The following WDR91 variants were observed in gnomAD, a reference collection of about 807,000 sequenced individuals.
The protein encoded by WDR91 is WD repeat-containing protein 91.
A neutral mutation model predicts 88.4 loss-of-function variants in WDR91; 52 were observed. The observed-to-expected ratio is 0.59, with a 90% CI of 0.47 to 0.74. The LOEUF is 0.74. WDR91 is among the 30% of genes least tolerant of loss of function. The pLI, the probability that WDR91 is intolerant of heterozygous loss-of-function variation, is 0.00. For missense variants in WDR91, 824 were observed against 954.5 expected (o/e 0.86, Z 1.80); for synonymous variants, 362 against 389.5 (o/e 0.93, Z 0.83).
Position 135,185,925 on chromosome 7 carries a change from T to C in WDR91, c.*226A>G. The C allele has an allele frequency of 3.9e-6, 2 of 512,764 alleles. No individual in the cohort carries two copies. The highest frequency in any genetic ancestry group is 6.7e-6 in the Non-Finnish European group (2 of 297,548). The allele number at this position is 512,764 out of a possible 1,614,324, so 31.8% of individuals were successfully genotyped here. A position where few individuals can be genotyped will look rare whatever the true frequency, so the allele number is the denominator to read the frequency against. On this transcript the variant is annotated 3_prime_UTR_variant, in exon 15 of 15. Coordinates refer to ENST00000354475, the MANE Select transcript of WDR91 (RefSeq NM_014149.4). ...CCTCCCATAGTCTCACATGTACTCCTGGCACAGCCACAATACCAGTCTCTG... is the reference window on the plus strand; with the variant it reads ...CCTCCCATAGTCTCACATGTACTCCCGGCACAGCCACAATACCAGTCTCTG...
chr7:135,193,671 A>G lies in WDR91; in HGVS notation c.1397T>C (p.Leu466Pro). The G allele has an allele frequency of 2.5e-6, 4 of 1,613,660 alleles. No homozygotes were observed. Among genetic ancestry groups the G allele is most frequent in the Non-Finnish European group, 3.4e-6 (4 of 1,179,762 alleles). The change falls in exon 10 of 15, where the codon CTC (leucine) becomes CCC (proline). Residue 466 changes from leucine (L) to proline (P), a missense_variant and splice_region_variant. Physicochemically the swap from Leu to Pro is moderately conservative, Grantham distance 98. Coordinates refer to ENST00000354475, the MANE Select transcript of WDR91 (RefSeq NM_014149.4). ...TGTTCCCACACCACTGCCCAGCAAGAGCTGGAATGACAAGGGGCGGGAGGT... is the reference window on the plus strand; with the variant it reads ...TGTTCCCACACCACTGCCCAGCAAGGGCTGGAATGACAAGGGGCGGGAGGT... Reference protein sequence around the residue: ...LEWATKRDRLLLLGSGVGTVR... With the variant: ...LEWATKRDRLPLLGSGVGTVR...
At chr7:135,207,250 CT>C in intron 3 of WDR91, 48 bp from the exon 4 acceptor site, 2 of 1,515,600 alleles carry the variant, frequency 1.3e-6, no homozygotes, top group Non-Finnish European at 9.1e-7. Context: ...TTTAAACGTC[CT>C]TCCCAAACCC....
chr7:135,211,242 G>T, intron 1 of WDR91, 138 bp downstream of exon 1: 1 of 1,345,068 alleles, frequency 7.4e-7, no homozygotes, highest in Non-Finnish European at 9.8e-7. Context: ...GTCAAGCTGG[G>T]GTCGGACGCG....
rs1291793270 is a variant in WDR91 at position 135,188,463 on chromosome 7, G to A, written c.1851C>T (p.Asn617=). 3.1e-6 allele frequency: 5 copies of A among 1,614,118 alleles called. No individual in the cohort carries two copies. In the Admixed American group the frequency reaches 5.0e-5, roughly 16 times the overall value. ...VYSVEFSYDE[N]TVYSIGEDGK... is the part of the protein sequence containing the mutation. Reference sequence around the variant, plus strand: ...CGTCCTCGCCGATGCTGTACACGGTGTTCTCATCATAGCTGAACTCCACAG... The same window carrying A: ...CGTCCTCGCCGATGCTGTACACGGTATTCTCATCATAGCTGAACTCCACAG... Residue 617 remains asparagine, a synonymous_variant, in exon 13 of 15, where the codon AAC becomes AAT. Coordinates refer to ENST00000354475, the MANE Select transcript of WDR91 (RefSeq NM_014149.4).
Position 135,196,530 on chromosome 7 carries a change from C to T in WDR91, c.1051-193G>A, listed in dbSNP as rs181262851. Among the ~76,000 whole-genome samples the T allele has an allele frequency of 6.6e-6, 1 of 152,174 alleles. No individual in the cohort carries two copies. Among genetic ancestry groups the T allele is most frequent in the African/African-American group, 2.4e-5 (1 of 41,440 alleles). The stretch of plus-strand genomic sequence containing the variant: ...GAGAGTGCAGGGCCTGCCCTCCTGA[C>T]AGCCCCTTCCTGGAGACTTTGCTCC... On this transcript the variant is annotated intron_variant, in intron 7 of 14. Transcript: ENST00000354475. The surrounding 1 kb of genome is among the most constrained non-coding windows in gnomAD (Gnocchi z 4.2).
At chr7:135,198,392 T>A (rs575217401) in intron 6 of WDR91, 143 of 489,656 alleles carry the variant, frequency 2.9e-4, no homozygotes, top group Non-Finnish European at 4.7e-4. Flanking sequence ...GTATCTCTCA[T>A]CTGGAGGAAG....
In WDR91 at chr7:135,209,590, C is replaced by T. The variant is rs778303043; in HGVS notation, c.289G>A (p.Val97Ile). ...LKTSLFRFYL[V>I]YTIQTNRNDK... ...TCAACAGGCACCTGGATTGTGTAGACAAGATAAAATCGAAACAGGCTGGTT... is the reference window on the plus strand; with the variant it reads ...TCAACAGGCACCTGGATTGTGTAGATAAGATAAAATCGAAACAGGCTGGTT... The change falls in exon 2 of 15, where the codon GTC (valine) becomes ATC (isoleucine). Residue 97 changes from valine (V) to isoleucine (I), a missense_variant. Physicochemically the swap from Val to Ile is conservative, Grantham distance 29. Transcript: ENST00000354475. The T allele has an allele frequency of 3.3e-5, 53 of 1,606,200 alleles. No individual in the cohort carries two copies. The highest frequency in any genetic ancestry group is 4.4e-5 in the Non-Finnish European group (52 of 1,175,902).
intron 6 of WDR91, chr7:135,199,185 A>G (rs1487890732): frequency 6.6e-6 from 1 of 152,200 alleles, no homozygotes; most frequent in Non-Finnish European, 1.5e-5. Context: ...ATTAACATGG[A>G]TTCCTTGGAA....
At chr7:135,210,968 T>A in intron 1 of WDR91, 1 of 701,786 alleles carries the variant, frequency 1.4e-6, no homozygotes, top group Non-Finnish European at 2.6e-6. Flanking sequence ...CGCAGATACT[T>A]GAACGCAGCT....
intron 6 of WDR91, chr7:135,199,163 T>G (rs1213733241): frequency 2.0e-5 from 3 of 152,200 alleles, no homozygotes; most frequent in African/African-American, 4.8e-5. Flanking sequence ...CAACAGTAAA[T>G]AATTTAAAAT....
At chr7:135,209,809 C>T in intron 1 of WDR91, 54 bp from the exon 2 acceptor site, 1 of 1,415,950 alleles carries the variant, frequency 7.1e-7, no homozygotes, top group Non-Finnish European at 9.4e-7. Context: ...GAATTCTCCC[C>T]TCCATGGAAT....
intron 11 of WDR91, among the ~76,000 whole-genome samples, chr7:135,191,529 C>T (rs940404872): frequency 4.3e-5 from 6 of 141,038 alleles, no homozygotes; most frequent in African/African-American, 1.1e-4. Flanking sequence ...TGCTTGAACT[C>T]AGAAGGCGGA....
intron 6 of WDR91, chr7:135,199,787 T>A (rs1831504544): frequency 6.6e-6 from 1 of 151,648 alleles, no homozygotes; most frequent in Non-Finnish European, 1.5e-5. Flanking sequence ...CTCCACTGGA[T>A]AATGGTGTCT....
chr7:135,207,816 A>G (rs1831856885), intron 3 of WDR91, among the ~76,000 whole-genome samples: 1 of 152,236 alleles, frequency 6.6e-6, no homozygotes, highest in Admixed American at 6.5e-5. Context: ...GGGCCTCAGA[A>G]CTGGAGAGGG....
intron 9 of WDR91, chr7:135,193,879 A>G (rs1422872076): frequency 1.8e-6 from 1 of 564,174 alleles, no homozygotes; most frequent in East Asian, 3.0e-5. Context: ...CTTCTAAGCA[A>G]AACCACAAAA....
rs760892889 is a variant in WDR91 at position 135,208,807 on chromosome 7, G to C, written c.495C>G (p.Val165=). ...AAAGGATATGCATGCACTGAAACAG[G>C]ACGCTCAGGAAGTTGTGCAGGGACA... is the stretch of plus-strand genomic sequence containing the variant. ...FIVSLHNFLS[V]LFQCMPVPVI... The change falls in exon 3 of 15, where the codon GTC becomes GTG. Residue 165 remains valine, a synonymous_variant. Coordinates refer to ENST00000354475, the MANE Select transcript of WDR91 (RefSeq NM_014149.4). The C allele has an allele frequency of 6.8e-6, 11 of 1,609,694 alleles. No homozygotes were observed. Among genetic ancestry groups the C allele is most frequent in the Non-Finnish European group, 8.5e-6 (10 of 1,177,272 alleles).
chr7:135,190,463 A>G (rs2117637518), intron 11 of WDR91, among the ~76,000 whole-genome samples: 1 of 152,344 alleles, frequency 6.6e-6, no homozygotes, highest in Middle Eastern at 3.4e-3. Context: ...ACTGGCCCAA[A>G]AAACACCATG....
intron 4 of WDR91, 109 bp from the exon 5 acceptor site, chr7:135,206,167 G>A (rs1831772285): frequency 3.5e-6 from 5 of 1,419,116 alleles, no homozygotes; most frequent in Admixed American, 1.7e-5. Flanking sequence ...AGTGCCACTC[G>A]CCTCAGCGTC....
chr7:135,195,012 G>A lies in WDR91; in HGVS notation c.1317C>T (p.Pro439=). 6.2e-7 allele frequency: 1 copy of A among 1,614,132 alleles called. No homozygotes were observed. Among genetic ancestry groups the A allele is most frequent in the Non-Finnish European group, 8.5e-7 (1 of 1,180,036 alleles). The change falls in exon 9 of 15, where the codon CCC becomes CCT. Residue 439 remains proline, a synonymous_variant. Transcript: ENST00000354475. ...TGGAGGATGCTTTGGTCTGCATGAT[G>A]GGGTTGAAGGACCACACTTTGATGA... The part of the protein sequence containing the change: ...DGVIKVWSFN[P]IMQTKASSIS...
Sources: allele counts gnomAD v4.1 joint callset (sites outside exome capture counted in the v4.1 genomes callset), GRCh38; gene constraint gnomAD v4.1.1; non-coding constraint Gnocchi (gnomAD v3.1); transcripts MANE v1.5; gene names NCBI Gene and HGNC (gene_info 2026-07-23, HGNC 2026-07-21).